The following TSTD2 variants were observed in gnomAD, a reference collection of about 807,000 sequenced individuals.
TSTD2 encodes the protein thiosulfate sulfurtransferase like domain containing 2.
A neutral mutation model predicts 47.9 loss-of-function variants in TSTD2; 37 were observed. That is an observed-to-expected ratio of 0.77 (90% CI 0.59 to 1.02). The LOEUF (loss-of-function observed/expected upper bound fraction) is 1.02. TSTD2 is among the 50% of genes least tolerant of loss of function. The pLI is 0.00. For synonymous variants in TSTD2, 201 were observed against 215.9 expected, an observed-to-expected ratio of 0.93 and a Z score of 0.61; for missense variants, 586 against 616.0, an observed-to-expected ratio of 0.95 and a Z score of 0.52.
rs1273959099 is a variant in TSTD2 at position 97,626,017 on chromosome 9, G to A, written c.166-20C>T. 2 of 1,587,844 alleles carry A rather than the reference G, an allele frequency of 1.3e-6. No individual in the cohort carries two copies. Among genetic ancestry groups the A allele is most frequent in the Non-Finnish European group, 1.7e-6 (2 of 1,169,540 alleles). On this transcript the variant is annotated intron_variant, in intron 2 of 9. Coordinates refer to ENST00000341170, the MANE Select transcript of TSTD2 (RefSeq NM_139246.5). ...AAAGGCCTGCAATTAGATTTCAAAT[G>A]CTAACACTGTTAAATAACCTTAGGT... is the stretch of plus-strand genomic sequence containing the variant.
At chr9:97,603,671 T>C (rs1477327411) in intron 9 of TSTD2, among the ~76,000 whole-genome samples, 1 of 152,148 alleles carries the variant, frequency 6.6e-6, no homozygotes, top group Non-Finnish European at 1.5e-5. Context: ...CGGATTTACT[T>C]GGTAGTCTGG....
At chr9:97,606,369 A>G in intron 6 of TSTD2, 108 bp from the exon 7 acceptor site, 1 of 637,654 alleles carries the variant, frequency 1.6e-6, no homozygotes, top group Non-Finnish European at 2.8e-6. Flanking sequence ...TTCCACCCAA[A>G]TCTCTTCTCT....
rs1298934451 is a variant in TSTD2 at position 97,600,853 on chromosome 9, T to C, written c.*1616A>G. The stretch of plus-strand genomic sequence containing the variant: ...TGCGTCTCTTGGGATCCAGCAAAAG[T>C]GTTAAGCCACAATGCCCTTGTGCCT... On this transcript the variant is annotated 3_prime_UTR_variant, in exon 10 of 10. Transcript: ENST00000341170. 9.2e-7 allele frequency: 1 copy of C among 1,089,340 alleles called. No homozygotes were observed. Among genetic ancestry groups the C allele is most frequent in the East Asian group, 8.3e-5 (1 of 12,016 alleles). The allele number at this position is 1,089,340 out of a possible 1,614,324, so 67.5% of individuals were successfully genotyped here.
intron 4 of TSTD2, among the ~76,000 whole-genome samples, chr9:97,614,297 T>C (rs1826506947): frequency 6.6e-6 from 1 of 152,224 alleles, no homozygotes; most frequent in African/African-American, 2.4e-5. Context: ...ATAAAAACCA[T>C]CGATAACCCT....
At chr9:97,629,337 G>A (rs1003030690) in intron 1 of TSTD2, among the ~76,000 whole-genome samples, 2 of 152,134 alleles carry the variant, frequency 1.3e-5, no homozygotes, top group Non-Finnish European at 2.9e-5. Flanking sequence ...ACACACACAG[G>A]CAATACCAAC....
At chr9:97,620,106 TTC>T (rs1826606080) in intron 3 of TSTD2, among the ~76,000 whole-genome samples, 1 of 152,224 alleles carries the variant, frequency 6.6e-6, no homozygotes, top group South Asian at 2.1e-4. Context: ...TGAATTGTAA[TTC>T]TCACAATTCC....
intron 4 of TSTD2, among the ~76,000 whole-genome samples, chr9:97,616,637 A>G (rs1448257351): frequency 6.6e-6 from 1 of 152,206 alleles, no homozygotes; most frequent in Non-Finnish European, 1.5e-5. Context: ...TATCTGTTGG[A>G]AAACATGGAT....
At position 97,601,361 on chromosome 9, in the gene TSTD2, AATGTGTC is replaced by A. The variant is rs1826254720; in HGVS notation, c.*1101_*1107del. The A allele has an allele frequency of 1.4e-5, 16 of 1,114,892 alleles. No homozygotes were observed. The South Asian group carries it at 3.0e-4, about 21-fold the overall frequency. 69.1% of individuals were successfully genotyped at this position (1,114,892 alleles called of 1,614,324 possible). On this transcript the variant is annotated 3_prime_UTR_variant, in exon 10 of 10. Transcript: ENST00000341170. The stretch of plus-strand genomic sequence containing the variant: ...GGCAGTGCTGGATGACCTCAGTAAG[AATGTGTC>A]ATGTATTCCAGGTGCTGATCTAAAA...
intron 6 of TSTD2, among the ~76,000 whole-genome samples, chr9:97,607,063 G>A (rs1468120108): frequency 6.6e-6 from 1 of 152,144 alleles, no homozygotes; most frequent in East Asian, 1.9e-4. Flanking sequence ...CTACTTTGGA[G>A]GCTGATGCAG....
At position 97,602,766 on chromosome 9, in the gene TSTD2, C is replaced by T; in HGVS notation, c.1254G>A (p.Glu418=). The change falls in exon 10 of 10, where the codon GAG becomes GAA. Residue 418 remains glutamate (E), a splice_region_variant and synonymous_variant. Transcript: ENST00000341170. ...ALSYNSDVVS[E]CSYCGARWDQ... is the part of the protein sequence containing the mutation. ...CCCAGCGGGCTCCACAGTATGAACACTCTGGGGAGGAAGGAAAAGCCATCA... is the reference window on the plus strand; with the variant it reads ...CCCAGCGGGCTCCACAGTATGAACATTCTGGGGAGGAAGGAAAAGCCATCA... 1 of 1,599,776 alleles carries T rather than the reference C, an allele frequency of 6.3e-7. No homozygotes were observed. The highest frequency in any genetic ancestry group is 8.5e-7 in the Non-Finnish European group (1 of 1,171,094).
chr9:97,624,639 T>C (rs1267198694), intron 3 of TSTD2, among the ~76,000 whole-genome samples: 1 of 152,064 alleles, frequency 6.6e-6, no homozygotes, highest in Non-Finnish European at 1.5e-5. Context: ...CTTAAGTTCA[T>C]CCTGATGGCA....
intron 4 of TSTD2, among the ~76,000 whole-genome samples, chr9:97,615,473 T>C (rs768216087): frequency 6.6e-6 from 1 of 152,238 alleles, no homozygotes; most frequent in Non-Finnish European, 1.5e-5. Flanking sequence ...AAGCCTTCAA[T>C]GTATCCCCTC....
rs140224495 is a variant in TSTD2 at position 97,602,504 on chromosome 9, G to T, written c.1516C>A (p.Pro506Thr). 1.4e-3 allele frequency: 2,266 copies of T among 1,613,414 alleles called. 2 individuals carry two copies. The highest frequency in any genetic ancestry group is 1.8e-3 in the Non-Finnish European group (2,114 of 1,179,622). ...VRQPVSPEPG[P>T]DADEDGPVLM Reference sequence around the variant, plus strand: ...ACTGGCCCATCCTCATCAGCATCAGGCCCTGGCTCTGGGCTCACAGGCTGT... The same window carrying T: ...ACTGGCCCATCCTCATCAGCATCAGTCCCTGGCTCTGGGCTCACAGGCTGT... The change falls in exon 10 of 10, where the codon CCT becomes ACT. Residue 506 changes from proline (P) to threonine (T), a missense_variant. Coordinates refer to ENST00000341170, the MANE Select transcript of TSTD2 (RefSeq NM_139246.5).
chr9:97,604,981 A>G, intron 8 of TSTD2, 116 bp from the exon 9 acceptor site: 1 of 1,479,624 alleles, frequency 6.8e-7, no homozygotes. Flanking sequence ...GGCCGCTGCT[A>G]TCAGTCAGGG....
In TSTD2 at chr9:97,633,354, A is replaced by G; in HGVS notation, c.-162T>C. 1 of 374,158 alleles carries G rather than the reference A, an allele frequency of 2.7e-6. No homozygotes were observed. Among genetic ancestry groups the G allele is most frequent in the Non-Finnish European group, 4.8e-6 (1 of 210,460 alleles). 23.2% of individuals were successfully genotyped at this position (374,158 alleles called of 1,614,324 possible). A position where few individuals can be genotyped will look rare whatever the true frequency, so the allele number is the denominator to read the frequency against. ...TCCCCCGCCGCGTATTTGGGTAGAA[A>G]AGCTCGCTCGTGACGTCACCAAGCT... On this transcript the variant is annotated 5_prime_UTR_variant, in exon 1 of 10. Transcript: ENST00000341170.
At position 97,605,951 on chromosome 9, in the gene TSTD2, T is replaced by G. The variant is rs537047100; in HGVS notation, c.954+192A>C. On this transcript the variant is annotated intron_variant, in intron 7 of 9. Coordinates refer to ENST00000341170, the MANE Select transcript of TSTD2 (RefSeq NM_139246.5). ...ATATTATGTGCCTGGATGCCTTTAA[T>G]TCATATTTTCTTAGACTCTCTCACC... is the stretch of plus-strand genomic sequence containing the variant. Among the ~76,000 whole-genome samples, 7 of 152,328 alleles carry G rather than the reference T, an allele frequency of 4.6e-5. No homozygotes were observed. In the East Asian group the frequency reaches 1.4e-3, roughly 29 times the overall value.
chr9:97,614,935 AC>A (rs1826520039), intron 4 of TSTD2, among the ~76,000 whole-genome samples: 1 of 152,170 alleles, frequency 6.6e-6, no homozygotes, highest in South Asian at 2.1e-4. Flanking sequence ...CCCACTACCA[AC>A]TTATAGTGGA....
At chr9:97,620,223 T>A (rs148201520) in intron 3 of TSTD2, among the ~76,000 whole-genome samples, 2 of 152,318 alleles carry the variant, frequency 1.3e-5, no homozygotes, top group African/African-American at 4.8e-5. Context: ...AGTTGATGGT[T>A]TTAAAACTGG....
rs757911141 is a variant in TSTD2, at chr9:97,605,612, G to A, written c.984C>T (p.Asp328=). Residue 328 remains aspartate, a synonymous_variant, in exon 8 of 10, where the codon GAC becomes GAT. Transcript: ENST00000341170. Reference sequence around the variant, plus strand: ...TAGGGAAGTAACTGAATTTCCTGATGTCTGGGGCTAAGCAGCCTTGGAATC... The same window carrying A: ...TAGGGAAGTAACTGAATTTCCTGATATCTGGGGCTAAGCAGCCTTGGAATC... ...IGRFQGCLAP[D]IRKFSYFPSY... is the part of the protein sequence containing the mutation. 1.9e-6 allele frequency: 3 copies of A among 1,614,242 alleles called. No individual in the cohort carries two copies. The highest frequency in any genetic ancestry group is 2.5e-6 in the Non-Finnish European group (3 of 1,180,038).
Sources: allele counts gnomAD v4.1 joint callset (sites outside exome capture counted in the v4.1 genomes callset), GRCh38; gene constraint gnomAD v4.1.1; transcripts MANE v1.5; gene names NCBI Gene and HGNC (gene_info 2026-07-23, HGNC 2026-07-21).